Variants in PCCA observed in about 807,000 individuals in gnomAD.
PCCA encodes propionyl-CoA carboxylase alpha chain, mitochondrial.
A neutral mutation model predicts 101.3 loss-of-function variants in PCCA; 74 were observed. That is an observed-to-expected ratio of 0.73 (90% confidence interval 0.61 to 0.89). The LOEUF is 0.89. Ranked by LOEUF, PCCA falls within the 40% of genes least tolerant of loss-of-function variation. PCCA has a pLI of 0.00. For synonymous variants in PCCA, 294 were observed against 313.6 expected (o/e 0.94, Z 0.66); for missense variants, 891 against 907.0 (o/e 0.98, Z 0.23).
At chr13:100,174,469 G>A in intron 6 of PCCA, among the ~76,000 whole-genome samples, 1 of 148,680 alleles carries the variant, frequency 6.7e-6, no homozygotes, top group Non-Finnish European at 1.5e-5. Flanking sequence ...GCTCACGCCT[G>A]TAATCCCAGC....
At chr13:100,340,914 AG>A in intron 18 of PCCA, among the ~76,000 whole-genome samples, 1 of 152,166 alleles carries the variant, frequency 6.6e-6, no homozygotes, top group Non-Finnish European at 1.5e-5. Context: ...TTTTCACAAG[AG>A]GAAGAACAAA....
At chr13:100,181,265 G>A (rs990068048) in intron 6 of PCCA, among the ~76,000 whole-genome samples, 3 of 152,136 alleles carry the variant, frequency 2.0e-5, no homozygotes, top group Non-Finnish European at 2.9e-5. Context: ...TGTTTAATGG[G>A]TTAACAGCAT....
chr13:100,200,157 T>A (rs2058381228), intron 6 of PCCA, among the ~76,000 whole-genome samples: 1 of 152,174 alleles, frequency 6.6e-6, no homozygotes, highest in African/African-American at 2.4e-5. Flanking sequence ...CAGGCTGGAG[T>A]GCAGTGGCGC....
At chr13:100,180,566 A>C (rs1436832960) in intron 6 of PCCA, among the ~76,000 whole-genome samples, 1 of 152,162 alleles carries the variant, frequency 6.6e-6, no homozygotes, top group Non-Finnish European at 1.5e-5. Flanking sequence ...AGTTAGAGTT[A>C]GGGGGTAGGT....
chr13:100,301,420 C>A, intron 12 of PCCA, 40 bp from the exon 13 acceptor site: 1 of 1,611,452 alleles, frequency 6.2e-7, no homozygotes, highest in Non-Finnish European at 8.5e-7. Context: ...TTTATTTACC[C>A]TTTTCTACAC....
intron 1 of PCCA, among the ~76,000 whole-genome samples, chr13:100,094,803 G>T (rs759720815): frequency 6.6e-6 from 1 of 152,138 alleles, no homozygotes; most frequent in African/African-American, 2.4e-5. Flanking sequence ...GGCCTGGCTG[G>T]TCTTGAACTC....
chr13:100,237,939 CTTT>C (rs1229413728), intron 8 of PCCA, among the ~76,000 whole-genome samples: 46 of 127,468 alleles, frequency 3.6e-4, no homozygotes, highest in African/African-American at 9.8e-4. Flanking sequence ...TTCTTTCTTT[CTTT>C]TTTTTTTTTT....
At chr13:100,173,640 G>T (rs1383121751) in intron 6 of PCCA, among the ~76,000 whole-genome samples, 1 of 152,122 alleles carries the variant, frequency 6.6e-6, no homozygotes, top group East Asian at 1.9e-4. Context: ...AGGTGTTAAT[G>T]GGTGTCTGAA....
At chr13:100,317,677 C>A (rs2067513248) in intron 16 of PCCA, among the ~76,000 whole-genome samples, 1 of 152,138 alleles carries the variant, frequency 6.6e-6, no homozygotes, top group Non-Finnish European at 1.5e-5. Context: ...GTCTTAACCT[C>A]CAGGGTTCAG....
At chr13:100,197,785 A>G (rs149033185) in intron 6 of PCCA, among the ~76,000 whole-genome samples, 1 of 152,278 alleles carries the variant, frequency 6.6e-6, no homozygotes, top group East Asian at 1.9e-4. Flanking sequence ...CCAACTGCCA[A>G]AGTAAATTTT....
intron 6 of PCCA, among the ~76,000 whole-genome samples, chr13:100,178,264 T>A (rs1025339634): frequency 6.6e-6 from 1 of 152,242 alleles, no homozygotes; most frequent in Non-Finnish European, 1.5e-5. Context: ...TCTAATAGTT[T>A]TAGATACATT....
intron 1 of PCCA, among the ~76,000 whole-genome samples, chr13:100,091,689 T>G (rs1468454375): frequency 6.6e-6 from 1 of 152,136 alleles, no homozygotes; most frequent in Non-Finnish European, 1.5e-5. Flanking sequence ...GGGTCTAGTC[T>G]AGAGAATTCT....
intron 22 of PCCA, among the ~76,000 whole-genome samples, chr13:100,517,605 G>A (rs1159976409): frequency 2.6e-5 from 4 of 152,174 alleles, no homozygotes; most frequent in Non-Finnish European, 5.9e-5. Flanking sequence ...TGGGGGGCAC[G>A]CGTAGTGAAC....
At chr13:100,286,603 A>G (rs893393042) in intron 12 of PCCA, among the ~76,000 whole-genome samples, 1 of 152,232 alleles carries the variant, frequency 6.6e-6, no homozygotes, top group African/African-American at 2.4e-5. Context: ...TAGAACTCAT[A>G]TCTAACAACC....
chr13:100,298,054 A>G (rs1319923661), intron 12 of PCCA, among the ~76,000 whole-genome samples: 2 of 152,060 alleles, frequency 1.3e-5, no homozygotes, highest in Non-Finnish European at 2.9e-5. Flanking sequence ...TAATACGTTA[A>G]CAATGCAAAA....
At chr13:100,443,459 A>AG (rs1160434624) in intron 20 of PCCA, among the ~76,000 whole-genome samples, 5 of 152,022 alleles carry the variant, frequency 3.3e-5, no homozygotes, top group African/African-American at 1.2e-4. Flanking sequence ...CAAAAAAAAA[A>AG]AAAATCAATA....
Position 100,368,560 on chromosome 13 carries a change from G to C in PCCA, c.1732G>C (p.Gly578Arg), listed in dbSNP as rs1006231998. Residue 578 changes from glycine (G) to arginine (R), a missense_variant, in exon 19 of 24, where the codon GGG becomes CGG. By Grantham distance (125) the Gly-to-Arg change is moderately radical. Coordinates refer to ENST00000376285, the MANE Select transcript of PCCA (RefSeq NM_000282.4). ...KVHTVVASNNGSVFSVEVDGS... is the reference protein window; with the variant it reads ...KVHTVVASNNRSVFSVEVDGS... ...TCATACCGTAGTAGCATCAAACAAT[G>C]GGTCAGTGTTCTCGGTGAGTTTTCT... 14 of 1,596,488 alleles carry C rather than the reference G, an allele frequency of 8.8e-6. No individual in the cohort carries two copies. The highest frequency in any genetic ancestry group is 1.2e-5 in the Non-Finnish European group (14 of 1,164,634).
intron 4 of PCCA, among the ~76,000 whole-genome samples, chr13:100,152,507 C>T (rs923377074): frequency 5.3e-5 from 8 of 151,946 alleles, no homozygotes; most frequent in East Asian, 1.9e-4. Flanking sequence ...AGTGCAGTGG[C>T]GCAATCTCGG....
At chr13:100,111,755 A>T in intron 2 of PCCA, 86 bp from the exon 3 acceptor site, 1 of 789,384 alleles carries the variant, frequency 1.3e-6, no homozygotes, top group Admixed American at 2.0e-5. Context: ...TTCAGTGTTG[A>T]TGTTGGAAAA....
Sources: allele counts gnomAD v4.1 joint callset (sites outside exome capture counted in the v4.1 genomes callset), GRCh38; gene constraint gnomAD v4.1.1; transcripts MANE v1.5; gene names NCBI Gene and HGNC (gene_info 2026-07-23, HGNC 2026-07-21).